The following RBM43 variants were observed in gnomAD, a reference collection of about 807,000 sequenced individuals.
RBM43 encodes the protein RNA-binding protein 43.
RBM43 carries 12 observed loss-of-function variants against 12.4 expected under a neutral mutation model. The observed-to-expected ratio is 0.97, with a 90% CI of 0.62 to 1.57. The LOEUF is 1.57. Ranked by LOEUF, RBM43 falls within the 40% of genes most tolerant of loss-of-function variation. The pLI is 0.00. For synonymous variants in RBM43, 138 were observed against 145.7 expected, an observed-to-expected ratio of 0.95 and a Z score of 0.38; for missense variants, 348 against 400.1, an observed-to-expected ratio of 0.87 and a Z score of 1.11.
intron 1 of RBM43, among the ~76,000 whole-genome samples, chr2:151,259,557 G>A (rs1014463690): frequency 1.3e-5 from 2 of 151,770 alleles, no homozygotes; most frequent in Admixed American, 6.6e-5. Flanking sequence ...CAGAATGGCT[G>A]GAACACAGGA....
chr2:151,259,554 G>A (rs1392896026), intron 1 of RBM43, among the ~76,000 whole-genome samples: 1 of 151,912 alleles, frequency 6.6e-6, no homozygotes, highest in African/African-American at 2.4e-5. Context: ...AACCAGAATG[G>A]CTGGAACACA....
chr2:151,255,825 T>C, intron 1 of RBM43, 82 bp from the exon 2 acceptor site: 1 of 1,013,066 alleles, frequency 9.9e-7, no homozygotes, highest in South Asian at 1.4e-5. Flanking sequence ...GTGGAGAGAA[T>C]ATCTTATTCT....
chr2:151,257,901 C>T (rs1682995046), intron 1 of RBM43, among the ~76,000 whole-genome samples: 1 of 151,840 alleles, frequency 6.6e-6, no homozygotes. Context: ...GAAATGCCGT[C>T]TCTACTAAAA....
chr2:151,261,012 A>G (rs1272366919), intron 1 of RBM43: 2 of 448,210 alleles, frequency 4.5e-6, no homozygotes, highest in African/African-American at 3.9e-5. Context: ...TCTCAAAATC[A>G]GTTGTTTATT....
In RBM43 at chr2:151,252,927, T is replaced by C. The variant is rs1682924235; in HGVS notation, c.215-72A>G. 6 of 635,544 alleles carry C rather than the reference T, an allele frequency of 9.4e-6. No homozygotes were observed. The Admixed American group carries it at 1.1e-4, about 11-fold the overall frequency. The allele number at this position is 635,544 out of a possible 1,614,324, so 39.4% of individuals were successfully genotyped here. A position where few individuals can be genotyped will look rare whatever the true frequency, so the allele number is the denominator to read the frequency against. ...AATAATTTTTTAATAAAAATAGGCA[T>C]ATTCAATTATAGAAGAATGTCTAAG... On this transcript the variant is annotated intron_variant, in intron 2 of 3. Coordinates refer to ENST00000331426, the MANE Select transcript of RBM43 (RefSeq NM_198557.3).
At chr2:151,257,461 G>A (rs1202337619) in intron 1 of RBM43, among the ~76,000 whole-genome samples, 1 of 152,176 alleles carries the variant, frequency 6.6e-6, no homozygotes, top group African/African-American at 2.4e-5. Context: ...GGAGGCCGAG[G>A]CAGGCAGATC....
rs907140259 is a variant in RBM43 at position 151,248,236 on chromosome 2, A to G, written c.*2670T>C. 1 of 152,204 alleles carries G rather than the reference A, an allele frequency of 6.6e-6. No homozygotes were observed. The highest frequency in any genetic ancestry group is 1.5e-5 in the Non-Finnish European group (1 of 68,018). 9.4% of individuals were successfully genotyped at this position (152,204 alleles called of 1,614,324 possible). On this transcript the variant is annotated 3_prime_UTR_variant, in exon 4 of 4. Coordinates refer to ENST00000331426, the MANE Select transcript of RBM43 (RefSeq NM_198557.3). ...GAGTGATTTTTAACAAGGTTTATAC[A>G]GTATTTTCTTGGACTCAATTCTTTG...
chr2:151,252,475 A>G (rs1490544662), intron 3 of RBM43, among the ~76,000 whole-genome samples: 2 of 152,230 alleles, frequency 1.3e-5, no homozygotes, highest in East Asian at 3.8e-4. Flanking sequence ...GTGAGCCAAG[A>G]TTATGCCACT....
At position 151,249,752 on chromosome 2, in the gene RBM43, T is replaced by C. The variant is rs1297007071; in HGVS notation, c.*1154A>G. The C allele has an allele frequency of 6.6e-6, 1 of 152,174 alleles. No homozygotes were observed. The highest frequency in any genetic ancestry group is 1.5e-5 in the Non-Finnish European group (1 of 68,050). The allele number at this position is 152,174 out of a possible 1,614,324, so 9.4% of individuals were successfully genotyped here. ...TGGGGAGCTGGCAAGCTCCAACTGG[T>C]GGGCAATGGCCATAGGTAAAATTAG... On this transcript the variant is annotated 3_prime_UTR_variant, in exon 4 of 4. Transcript: ENST00000331426.
At chr2:151,252,607 GT>G (rs1682917473) in intron 3 of RBM43, 147 bp downstream of exon 3, 1 of 509,092 alleles carries the variant, frequency 2.0e-6, no homozygotes, top group Admixed American at 3.1e-5. Flanking sequence ...AAGGGCCAGG[GT>G]TGGCCTTTAA....
rs554937151 is a variant in RBM43 at position 151,249,805 on chromosome 2, C to G, written c.*1101G>C. ...CTAGAGTTACAGCAAGTTATCTCAG[C>G]AGCTATAGACAAAACTGGTCTCAGG... On this transcript the variant is annotated 3_prime_UTR_variant, in exon 4 of 4. Coordinates refer to ENST00000331426, the MANE Select transcript of RBM43 (RefSeq NM_198557.3). The G allele has an allele frequency of 2.0e-5, 3 of 152,302 alleles. No homozygotes were observed. The South Asian group carries it at 6.2e-4, about 32-fold the overall frequency. The allele number at this position is 152,302 out of a possible 1,614,324, so 9.4% of individuals were successfully genotyped here.
chr2:151,261,460 C>A, intron 1 of RBM43: 1 of 1,550,580 alleles, frequency 6.4e-7, no homozygotes, highest in South Asian at 1.2e-5. Flanking sequence ...CTGGAGCGGG[C>A]CTATACTGCA....
chr2:151,261,710 G>A lies in RBM43; in HGVS notation c.3+15C>T, dbSNP rs143029685. 1.5e-3 allele frequency: 2,326 copies of A among 1,600,438 alleles called. 65 individuals carry two copies. The Admixed American group carries it at 0.038, about 26-fold the overall frequency. On this transcript the variant is annotated intron_variant, in intron 1 of 3. Transcript: ENST00000331426. The stretch of plus-strand genomic sequence containing the variant: ...ACGGACCTGCACCGCAAAACCCAAA[G>A]CAAAAGCAACTTGCCATGGCGGAGG...
rs1423759437 is a variant in RBM43 at position 151,248,495 on chromosome 2, A to T, written c.*2411T>A. 6.6e-6 allele frequency: 1 copy of T among 152,242 alleles called. No homozygotes were observed. Among genetic ancestry groups the T allele is most frequent in the Non-Finnish European group, 1.5e-5 (1 of 68,042 alleles). The allele number at this position is 152,242 out of a possible 1,614,324, so 9.4% of individuals were successfully genotyped here. On this transcript the variant is annotated 3_prime_UTR_variant, in exon 4 of 4. Transcript: ENST00000331426. ...GGAAAGGTCTAGAAAAGAAAGTTTCAGCCACCTTTGAGACAGTATTTTTTA... is the reference window on the plus strand; with the variant it reads ...GGAAAGGTCTAGAAAAGAAAGTTTCTGCCACCTTTGAGACAGTATTTTTTA...
At chr2:151,261,153 A>C (rs2105195062) in intron 1 of RBM43, 1 of 1,353,112 alleles carries the variant, frequency 7.4e-7, no homozygotes, top group South Asian at 1.5e-5. Context: ...TGGAAACAAA[A>C]CAAAACACAG....
At position 151,261,498 on chromosome 2, in the gene RBM43, C is replaced by T. The variant is rs759466281; in HGVS notation, c.3+227G>A. The T allele has an allele frequency of 1.9e-6, 3 of 1,550,172 alleles. No homozygotes were observed. The Admixed American group carries it at 5.9e-5, about 30-fold the overall frequency. Reference sequence around the variant, plus strand: ...GCCGTACGTGAATTTCAGGAGCGCGCAATGCCGCCACCTGGGAAGGGTGCA... The same window carrying T: ...GCCGTACGTGAATTTCAGGAGCGCGTAATGCCGCCACCTGGGAAGGGTGCA... On this transcript the variant is annotated intron_variant, in intron 1 of 3. Coordinates refer to ENST00000331426, the MANE Select transcript of RBM43 (RefSeq NM_198557.3).
intron 1 of RBM43, among the ~76,000 whole-genome samples, chr2:151,256,105 G>A (rs1682969710): frequency 6.6e-6 from 1 of 151,856 alleles, no homozygotes; most frequent in Admixed American, 6.6e-5. Flanking sequence ...GGGATTACAG[G>A]TGCCCACCAC....
In RBM43 at chr2:151,250,686, C is replaced by A; in HGVS notation, c.*220G>T. On this transcript the variant is annotated 3_prime_UTR_variant, in exon 4 of 4. Coordinates refer to ENST00000331426, the MANE Select transcript of RBM43 (RefSeq NM_198557.3). ...GTGTAATCAGATAGACTGGGCTAAG[C>A]CACAGCCTCATTCTTTGTCAACTGG... 2.3e-6 allele frequency: 1 copy of A among 437,960 alleles called. No homozygotes were observed. The highest frequency in any genetic ancestry group is 4.0e-6 in the Non-Finnish European group (1 of 248,966). 27.1% of individuals were successfully genotyped at this position (437,960 alleles called of 1,614,324 possible).
intron 1 of RBM43, among the ~76,000 whole-genome samples, chr2:151,256,151 G>A (rs1035581382): frequency 3.3e-5 from 5 of 152,060 alleles, no homozygotes; most frequent in Admixed American, 1.3e-4. Context: ...TAGTAGACAC[G>A]AGGTTTCACC....
Sources: gnomAD v4.1 joint callset for allele counts (sites outside exome capture counted in the v4.1 genomes callset) on GRCh38, gnomAD v4.1.1 for gene constraint, MANE v1.5 for transcripts, NCBI Gene and HGNC (gene_info 2026-07-23, HGNC 2026-07-21) for gene names.